The following PDK1 variants were observed in gnomAD, a reference collection of about 807,000 sequenced individuals.
The protein encoded by PDK1 is pyruvate dehydrogenase kinase 1.
Under a neutral mutation model 54.2 loss-of-function variants are expected in PDK1, and 39 were observed. The observed-to-expected ratio is 0.72, with a 90% CI of 0.56 to 0.94. The LOEUF (loss-of-function observed/expected upper bound fraction) is 0.94. Among genes scored for constraint, PDK1 ranks in the 40% least tolerant of loss-of-function variants. The pLI is 0.00. For synonymous variants in PDK1, 221 were observed against 207.1 expected (o/e 1.07, Z -0.58); for missense variants, 552 against 566.0 (o/e 0.98, Z 0.25).
the PDK1 span, among the ~76,000 whole-genome samples, chr2:172,713,795 A>G: frequency 2.0e-5 from 3 of 152,162 alleles, no homozygotes; most frequent in Non-Finnish European, 2.9e-5. Context: ...CGCCCCTTCA[A>G]CTGGGAAGGG....
the PDK1 span, among the ~76,000 whole-genome samples, chr2:172,631,945 T>C: frequency 6.6e-5 from 10 of 152,216 alleles, no homozygotes; most frequent in Admixed American, 5.9e-4. Context: ...AATTTTTCTA[T>C]ATAAACTTTA....
rs1691217235 is a variant in PDK1 at position 172,604,391 on chromosome 2, T to C, written c.*8422T>C. On this transcript the variant is annotated 3_prime_UTR_variant, in exon 11 of 11. Coordinates refer to ENST00000282077, the MANE Select transcript of PDK1 (RefSeq NM_002610.5). ...TATCTTCCTTTACATAGATTGCCTT[T>C]GATTTCTTTCATTGTTACTTTGTAG... The C allele has an allele frequency of 1.3e-5, 2 of 152,244 alleles. No homozygotes were observed. The highest frequency in any genetic ancestry group is 4.1e-4 in the South Asian group (2 of 4,830). 9.4% of individuals were successfully genotyped at this position (152,244 alleles called of 1,614,324 possible). A position where few individuals can be genotyped will look rare whatever the true frequency, so the allele number is the denominator to read the frequency against.
chr2:172,618,775 C>A, the PDK1 span, among the ~76,000 whole-genome samples: 1 of 152,160 alleles, frequency 6.6e-6, no homozygotes, highest in African/African-American at 2.4e-5. Flanking sequence ...AAGTAAGAAG[C>A]TTTCCTACAG....
At chr2:172,622,133 T>TA in the PDK1 span, among the ~76,000 whole-genome samples, 273 of 141,814 alleles carry the variant, frequency 1.9e-3, 1 homozygote, top group African/African-American at 6.4e-3. Context: ...ATATCTCATA[T>TA]TATGTGAGAT....
rs937393635 is a variant in PDK1, at chr2:172,581,889, T to G, written c.946-4389T>G. On this transcript the variant is annotated intron_variant, in intron 8 of 10. Transcript: ENST00000282077. The stretch of plus-strand genomic sequence containing the variant: ...ATATAATCTATAAATAACCTATGTG[T>G]TATAGCCACATGTCTTTTTTTTGTG... 6.6e-5 allele frequency among the ~76,000 whole-genome samples: 10 copies of G among 152,316 alleles called. No homozygotes were observed. In the East Asian group the frequency reaches 1.9e-3, roughly 29 times the overall value.
At chr2:172,714,214 G>C in the PDK1 span, among the ~76,000 whole-genome samples, 8 of 152,252 alleles carry the variant, frequency 5.3e-5, no homozygotes, top group Non-Finnish European at 1.0e-4. Context: ...AGTAACAAAA[G>C]ATATAAATAT....
chr2:172,644,274 C>T, the PDK1 span, among the ~76,000 whole-genome samples: 2 of 152,306 alleles, frequency 1.3e-5, no homozygotes, highest in South Asian at 4.2e-4. Flanking sequence ...ATAAAATCAG[C>T]CCGCACCTCT....
chr2:172,566,265 T>C (rs922177567), intron 5 of PDK1, among the ~76,000 whole-genome samples: 1 of 152,148 alleles, frequency 6.6e-6, no homozygotes, highest in African/African-American at 2.4e-5. Context: ...ACACTTAGAC[T>C]TTCCCTGGGC....
Position 172,604,073 on chromosome 2 carries a change from GTA to G in PDK1, c.*8108_*8109del, listed in dbSNP as rs1330534450. Reference sequence around the variant, plus strand: ...TAGCTTTTCAATTTATGAACATGGCGTATATCTTTTTTGGCGGGGGGTGAGGA... The same window carrying G: ...TAGCTTTTCAATTTATGAACATGGCGTATCTTTTTTGGCGGGGGGTGAGGA... On this transcript the variant is annotated 3_prime_UTR_variant, in exon 11 of 11. Transcript: ENST00000282077. The G allele has an allele frequency of 6.6e-6, 1 of 152,124 alleles. No individual in the cohort carries two copies. The highest frequency in any genetic ancestry group is 1.5e-5 in the Non-Finnish European group (1 of 68,016). The allele number at this position is 152,124 out of a possible 1,614,324, so 9.4% of individuals were successfully genotyped here. A position where few individuals can be genotyped will look rare whatever the true frequency, so the allele number is the denominator to read the frequency against.
chr2:172,661,565 A>G, the PDK1 span, among the ~76,000 whole-genome samples: 3 of 152,188 alleles, frequency 2.0e-5, no homozygotes, highest in African/African-American at 7.2e-5. Context: ...CCAGGGCTTG[A>G]TTTATTATTT....
At chr2:172,589,902 C>T (rs943439629) in intron 9 of PDK1, among the ~76,000 whole-genome samples, 6 of 152,108 alleles carry the variant, frequency 3.9e-5, no homozygotes, top group African/African-American at 1.2e-4. Flanking sequence ...AATGAACAGA[C>T]ACGGAATGAT....
chr2:172,623,208 T>C, the PDK1 span, among the ~76,000 whole-genome samples: 1 of 151,972 alleles, frequency 6.6e-6, no homozygotes, highest in Admixed American at 6.6e-5. Context: ...ACCTGGGCTG[T>C]TGTGAGGTAA....
chr2:172,609,632 C>T (rs958351001), downstream of PDK1, among the ~76,000 whole-genome samples: 2 of 152,214 alleles, frequency 1.3e-5, no homozygotes, highest in South Asian at 2.1e-4. Context: ...AATGCGGACA[C>T]TAGTTTCTAA....
At chr2:172,636,091 A>G in the PDK1 span, among the ~76,000 whole-genome samples, 2 of 152,176 alleles carry the variant, frequency 1.3e-5, no homozygotes, top group African/African-American at 4.8e-5. Context: ...TGGCCTCTCC[A>G]TGTCAGCACA....
At chr2:172,703,936 C>T in the PDK1 span, among the ~76,000 whole-genome samples, 1 of 151,728 alleles carries the variant, frequency 6.6e-6, no homozygotes, top group Non-Finnish European at 1.5e-5. Flanking sequence ...CCACACCTGG[C>T]TAATTTTTTG....
the PDK1 span, among the ~76,000 whole-genome samples, chr2:172,707,297 T>C: frequency 6.6e-6 from 1 of 152,146 alleles, no homozygotes; most frequent in Non-Finnish European, 1.5e-5. Flanking sequence ...TTGGGGCACT[T>C]TGTCATTACA....
In PDK1 at chr2:172,602,641, C is replaced by T. The variant is rs978268319; in HGVS notation, c.*6672C>T. On this transcript the variant is annotated 3_prime_UTR_variant, in exon 11 of 11. Transcript: ENST00000282077. ...TTTGCAAGGTGTTAACAAAAAGTTA[C>T]CTGCCTATGGATTCTCCTTTCTAAC... 1 of 152,158 alleles carries T rather than the reference C, an allele frequency of 6.6e-6. No individual in the cohort carries two copies. The highest frequency in any genetic ancestry group is 1.5e-5 in the Non-Finnish European group (1 of 68,028). The allele number at this position is 152,158 out of a possible 1,614,324, so 9.4% of individuals were successfully genotyped here.
rs562480366 is a variant in PDK1 at position 172,600,922 on chromosome 2, C to G, written c.*4953C>G. ...TTGCAGCTGCAGGCATCCCCCCGGT[C>G]TGCTTTTAGCTTCCTTATCTTAGTG... On this transcript the variant is annotated 3_prime_UTR_variant, in exon 11 of 11. Transcript: ENST00000282077. 1 of 152,260 alleles carries G rather than the reference C, an allele frequency of 6.6e-6. No individual in the cohort carries two copies. The highest frequency in any genetic ancestry group is 1.9e-4 in the East Asian group (1 of 5,168). The allele number at this position is 152,260 out of a possible 1,614,324, so 9.4% of individuals were successfully genotyped here. A position where few individuals can be genotyped will look rare whatever the true frequency, so the allele number is the denominator to read the frequency against.
Position 172,593,038 on chromosome 2 carries a change from T to C in PDK1, c.1160T>C (p.Ile387Thr), listed in dbSNP as rs1174878802. ...GAGGGTTACGGGACAGATGCAGTTA[T>C]CTACATTAAGGTAATAGCTGTAGTC... ...SLEGYGTDAVIYIKALSTDSI... is the reference protein window; with the variant it reads ...SLEGYGTDAVTYIKALSTDSI... Residue 387 changes from isoleucine (I) to threonine (T), a missense_variant, in exon 10 of 11, where the codon ATC becomes ACC. Physicochemically the swap from Ile to Thr is moderately conservative, Grantham distance 89. Transcript: ENST00000282077. 12 of 1,526,700 alleles carry C rather than the reference T, an allele frequency of 7.9e-6. No individual in the cohort carries two copies. Among genetic ancestry groups the C allele is most frequent in the Non-Finnish European group, 1.0e-5 (11 of 1,101,148 alleles). The allele number at this position is 1,526,700 out of a possible 1,614,324, so 94.6% of individuals were successfully genotyped here.
Sources: gnomAD v4.1 joint callset for allele counts (sites outside exome capture counted in the v4.1 genomes callset) on GRCh38, gnomAD v4.1.1 for gene constraint, MANE v1.5 for transcripts, NCBI Gene and HGNC (gene_info 2026-07-23, HGNC 2026-07-21) for gene names.